MED12L: variants seen among roughly 807,000 people sequenced by gnomAD.
MED12L encodes the protein mediator complex subunit 12L.
In MED12L, 60 loss-of-function variants were observed where a neutral mutation model predicts 281.3. The observed-to-expected ratio is 0.21, with a 90% CI of 0.17 to 0.26. The LOEUF (loss-of-function observed/expected upper bound fraction) is 0.26, where lower values mean the gene tolerates loss of function less well. Ranked by LOEUF, MED12L falls within the 10% of genes least tolerant of loss-of-function variation. MED12L has a pLI of 1.00. For synonymous variants in MED12L, 974 were observed against 987.2 expected (o/e 0.99, Z 0.25); for missense variants, 2,146 against 2,680.9 (o/e 0.80, Z 4.41).
intron 2 of MED12L, among the ~76,000 whole-genome samples, chr3:151,115,772 A>C (rs1712676939): frequency 1.3e-5 from 2 of 152,050 alleles, no homozygotes; most frequent in South Asian, 4.1e-4. Context: ...AGAATAGTAT[A>C]ATGGGCCAGG....
chr3:151,148,936 A>G (rs1199217361), intron 5 of MED12L, among the ~76,000 whole-genome samples: 10 of 152,212 alleles, frequency 6.6e-5, no homozygotes, highest in Admixed American at 6.5e-4. Context: ...ATTTAGCTAT[A>G]TTAGAGACAG....
chr3:151,366,944 G>A (rs1013517619), intron 23 of MED12L, among the ~76,000 whole-genome samples: 4 of 152,052 alleles, frequency 2.6e-5, no homozygotes, highest in African/African-American at 9.7e-5. Flanking sequence ...CCTTATGGTG[G>A]TGTGCTAATA....
chr3:151,261,659 T>C (rs1388782784), intron 16 of MED12L, among the ~76,000 whole-genome samples: 1 of 151,820 alleles, frequency 6.6e-6, no homozygotes, highest in Non-Finnish European at 1.5e-5. Context: ...AAACTCAGCC[T>C]CTGGGGAGGG....
At chr3:151,368,809 T>G (rs1354421831) in intron 25 of MED12L, among the ~76,000 whole-genome samples, 2 of 150,632 alleles carry the variant, frequency 1.3e-5, no homozygotes, top group Non-Finnish European at 3.0e-5. Flanking sequence ...TCACCCAGGC[T>G]GGAGTACAGT....
chr3:151,280,557 T>C (rs1210350452), intron 16 of MED12L, among the ~76,000 whole-genome samples: 1 of 152,124 alleles, frequency 6.6e-6, no homozygotes, highest in East Asian at 1.9e-4. Flanking sequence ...ATCGAATACC[T>C]TACAAACCAG....
chr3:151,324,910 A>G (rs1270426217), intron 16 of MED12L, among the ~76,000 whole-genome samples: 5 of 152,136 alleles, frequency 3.3e-5, no homozygotes, highest in Non-Finnish European at 7.4e-5. Context: ...TCTTCTAAGT[A>G]TGTTTTTTCT....
intron 2 of MED12L, among the ~76,000 whole-genome samples, chr3:151,097,199 C>T (rs879690484): frequency 7.9e-5 from 12 of 152,118 alleles, no homozygotes; most frequent in Non-Finnish European, 1.0e-4. Flanking sequence ...TTGAGAGAGA[C>T]GCACACAAGC....
intron 16 of MED12L, among the ~76,000 whole-genome samples, chr3:151,297,243 T>C (rs1745222773): frequency 2.0e-5 from 3 of 152,342 alleles, no homozygotes; most frequent in Non-Finnish European, 4.4e-5. Flanking sequence ...CCTATTTTGA[T>C]TTAATGACGT....
chr3:151,249,519 ATT>A (rs1736429414), intron 16 of MED12L, among the ~76,000 whole-genome samples: 1 of 152,066 alleles, frequency 6.6e-6, no homozygotes, highest in South Asian at 2.1e-4. Context: ...GAGAAGAGAT[ATT>A]GAAAGGACCC....
chr3:151,313,847 G>A (rs1026521564), intron 16 of MED12L, among the ~76,000 whole-genome samples: 1 of 151,622 alleles, frequency 6.6e-6, no homozygotes, highest in Admixed American at 6.6e-5. Context: ...TCGCTTGAAC[G>A]CAGGAGGCAG....
intron 2 of MED12L, among the ~76,000 whole-genome samples, chr3:151,099,640 A>T (rs866200054): frequency 1.3e-5 from 2 of 152,354 alleles, no homozygotes; most frequent in Middle Eastern, 3.4e-3. Context: ...AATAGTTAAA[A>T]TGTTCTCGAG....
At position 151,295,197 on chromosome 3, in the gene MED12L, C is replaced by T. The variant is rs745845124; in HGVS notation, c.2251-54862C>T. ...TTGCCTGAATTGTGACTCTCTTGGCCGTGCAGCTCGTTATCTGTAGGAGAA... is the reference window on the plus strand; with the variant it reads ...TTGCCTGAATTGTGACTCTCTTGGCTGTGCAGCTCGTTATCTGTAGGAGAA... On this transcript the variant is annotated intron_variant, in intron 16 of 44. Coordinates refer to ENST00000687756, the MANE Select transcript of MED12L (RefSeq NM_001393769.1). 1.8e-5 allele frequency: 29 copies of T among 1,605,646 alleles called. No individual in the cohort carries two copies. Among genetic ancestry groups the T allele is most frequent in the Admixed American group, 8.3e-5 (5 of 59,950 alleles).
chr3:151,099,160 C>G (rs1013439089), intron 2 of MED12L, among the ~76,000 whole-genome samples: 14 of 152,104 alleles, frequency 9.2e-5, no homozygotes, highest in African/African-American at 3.4e-4. Context: ...GGGAAACAGC[C>G]AAACCATATC....
chr3:151,101,777 T>TA (rs1721425680), intron 2 of MED12L, among the ~76,000 whole-genome samples: 1 of 151,896 alleles, frequency 6.6e-6, no homozygotes, highest in Non-Finnish European at 1.5e-5. Flanking sequence ...GCCTAATAAA[T>TA]CCAGTGTGGG....
At chr3:151,199,884 C>T (rs1166757217) in intron 16 of MED12L, among the ~76,000 whole-genome samples, 1 of 151,876 alleles carries the variant, frequency 6.6e-6, no homozygotes, top group Non-Finnish European at 1.5e-5. Flanking sequence ...GCTCCTAAGG[C>T]TGGGAGAACC....
intron 38 of MED12L, among the ~76,000 whole-genome samples, chr3:151,392,467 G>GAAAAAAAAAAAAAAA (rs200781609): frequency 1.0e-5 from 1 of 95,860 alleles, no homozygotes; most frequent in Non-Finnish European, 2.0e-5. Flanking sequence ...TCCATCTCAA[G>GAAAAAAAAAAAAAAA]AAAAAAAAAA....
chr3:151,241,346 C>T (rs1039142167), intron 16 of MED12L, among the ~76,000 whole-genome samples: 1 of 152,226 alleles, frequency 6.6e-6, no homozygotes, highest in East Asian at 1.9e-4. Context: ...TGGCAAAAGG[C>T]AAGTAAGCCT....
rs1713703940 is a variant in MED12L, at chr3:151,388,131, A to G, written c.5410A>G (p.Lys1804Glu). ...CACAACAGATGAAGAAAAGAAAACA[A>G]AAGGAAGGAAGCGCAAGACGAAATC... ...KTTTDEEKKT[K>E]GRKRKTKSSS... Residue 1804 changes from lysine to glutamate, a missense_variant, in exon 37 of 45, where the codon AAA (lysine) becomes GAA (glutamate). Physicochemically the swap from Lys to Glu is moderately conservative, Grantham distance 56. Coordinates refer to ENST00000687756, the MANE Select transcript of MED12L (RefSeq NM_001393769.1). The G allele has an allele frequency of 2.5e-6, 4 of 1,609,350 alleles. No individual in the cohort carries two copies. The highest frequency in any genetic ancestry group is 3.4e-6 in the Non-Finnish European group (4 of 1,179,458).
intron 3 of MED12L, among the ~76,000 whole-genome samples, chr3:151,117,475 C>T (rs1434098770): frequency 6.6e-6 from 1 of 152,122 alleles, no homozygotes; most frequent in East Asian, 1.9e-4. Context: ...CTATCATTAC[C>T]TTTTCTAGCC....
Sources: allele counts gnomAD v4.1 joint callset (sites outside exome capture counted in the v4.1 genomes callset), GRCh38; gene constraint gnomAD v4.1.1; transcripts MANE v1.5; gene names NCBI Gene and HGNC (gene_info 2026-07-23, HGNC 2026-07-21).